The following RPS6KC1 variants were observed in gnomAD, a reference collection of about 807,000 sequenced individuals.
RPS6KC1 encodes ribosomal protein S6 kinase C1, also known as inactive ribosomal protein S6 kinase delta-1.
A neutral mutation model predicts 103.8 loss-of-function variants in RPS6KC1; 54 were observed. The ratio of observed to expected loss-of-function variants is 0.52; its 90% CI spans 0.42 to 0.65. The LOEUF is 0.65. Among genes scored for constraint, RPS6KC1 ranks in the 30% least tolerant of loss-of-function variants. RPS6KC1 has a pLI of 0.00. For synonymous variants in RPS6KC1, 439 were observed against 438.7 expected (o/e 1.00, Z -0.01); for missense variants, 1,151 against 1,253.8 (o/e 0.92, Z 1.24).
chr1:213,581,934 T>C, the RPS6KC1 span, among the ~76,000 whole-genome samples: 468 of 152,076 alleles, frequency 3.1e-3, 3 homozygotes, highest in African/African-American at 0.011. Context: ...GGAGCCTCCC[T>C]CACTTCCTCC....
At chr1:213,855,953 TC>T in the RPS6KC1 span, among the ~76,000 whole-genome samples, 1 of 152,194 alleles carries the variant, frequency 6.6e-6, no homozygotes, top group Non-Finnish European at 1.5e-5. Flanking sequence ...CCCCTTCTTT[TC>T]CATGCCTCCT....
the RPS6KC1 span, among the ~76,000 whole-genome samples, chr1:213,581,736 T>C: frequency 6.6e-6 from 1 of 152,144 alleles, no homozygotes; most frequent in South Asian, 2.1e-4. Context: ...TACACCCTCA[T>C]AAGAGGCCTT....
the RPS6KC1 span, among the ~76,000 whole-genome samples, chr1:213,281,213 C>T: frequency 1.3e-5 from 2 of 152,346 alleles, no homozygotes; most frequent in East Asian, 1.9e-4. Context: ...TGCTTTTCAC[C>T]ACATAGTCTG....
the RPS6KC1 span, among the ~76,000 whole-genome samples, chr1:213,855,639 C>A: frequency 6.6e-6 from 1 of 152,178 alleles, no homozygotes; most frequent in Non-Finnish European, 1.5e-5. Context: ...CTCTTGCAAC[C>A]TTTTTAGATG....
At chr1:213,670,408 CCA>C in the RPS6KC1 span, among the ~76,000 whole-genome samples, 22 of 152,270 alleles carry the variant, frequency 1.4e-4, no homozygotes, top group African/African-American at 5.3e-4. Context: ...AAGAGCAGCT[CCA>C]CAGGTGAGCA....
chr1:213,452,505 G>C, the RPS6KC1 span, among the ~76,000 whole-genome samples: 5 of 151,986 alleles, frequency 3.3e-5, no homozygotes, highest in Admixed American at 1.3e-4. Context: ...GCTTCTTGGT[G>C]TGAGCTTCTA....
the RPS6KC1 span, among the ~76,000 whole-genome samples, chr1:213,435,449 G>A: frequency 2.0e-5 from 3 of 152,152 alleles, no homozygotes; most frequent in East Asian, 5.8e-4. Flanking sequence ...TTGGGTACTA[G>A]ATATTTTTAT....
At chr1:213,336,761 T>C in the RPS6KC1 span, among the ~76,000 whole-genome samples, 1 of 152,220 alleles carries the variant, frequency 6.6e-6, no homozygotes, top group African/African-American at 2.4e-5. Context: ...AGCCCGAAGC[T>C]AAATCTGTGT....
At chr1:213,094,365 T>G (rs893684070) in intron 3 of RPS6KC1, among the ~76,000 whole-genome samples, 2 of 152,120 alleles carry the variant, frequency 1.3e-5, no homozygotes, top group African/African-American at 4.8e-5. Flanking sequence ...TTTCTGTAGT[T>G]GTCCTTGAAA....
chr1:213,125,860 C>T (rs561041492), intron 5 of RPS6KC1: 1 of 152,134 alleles, frequency 6.6e-6, no homozygotes, highest in East Asian at 1.9e-4. Context: ...GGAAATATGA[C>T]TATGGTACCA....
At chr1:213,329,756 G>C in the RPS6KC1 span, among the ~76,000 whole-genome samples, 1 of 152,104 alleles carries the variant, frequency 6.6e-6, no homozygotes, top group Non-Finnish European at 1.5e-5. Flanking sequence ...TTCTCATAAA[G>C]TAAGAAAGAC....
At chr1:213,508,959 G>T in the RPS6KC1 span, among the ~76,000 whole-genome samples, 1 of 152,280 alleles carries the variant, frequency 6.6e-6, no homozygotes, top group South Asian at 2.1e-4. Context: ...GAACCTCCCA[G>T]GTGGGTTGTA....
chr1:213,333,568 G>A, the RPS6KC1 span, among the ~76,000 whole-genome samples: 1 of 152,200 alleles, frequency 6.6e-6, no homozygotes, highest in African/African-American at 2.4e-5. Flanking sequence ...CCAGGGGACT[G>A]TTCCTAAGCT....
At chr1:213,849,326 G>C in the RPS6KC1 span, among the ~76,000 whole-genome samples, 1 of 152,132 alleles carries the variant, frequency 6.6e-6, no homozygotes, top group African/African-American at 2.4e-5. Flanking sequence ...GACGCCCATA[G>C]GGGTGGAGCC....
the RPS6KC1 span, among the ~76,000 whole-genome samples, chr1:213,425,821 T>A: frequency 1.3e-5 from 2 of 152,110 alleles, no homozygotes; most frequent in African/African-American, 2.4e-5. Flanking sequence ...AGGATTGCTG[T>A]CCCTGCTGCT....
the RPS6KC1 span, among the ~76,000 whole-genome samples, chr1:213,773,959 T>C: frequency 2.0e-5 from 3 of 152,236 alleles, no homozygotes; most frequent in African/African-American, 7.2e-5. Context: ...AATGATTCCC[T>C]AAGTCCACCT....
chr1:213,803,196 A>C, the RPS6KC1 span, among the ~76,000 whole-genome samples: 3 of 149,852 alleles, frequency 2.0e-5, no homozygotes, highest in Admixed American at 2.0e-4. Flanking sequence ...CACATGGTCC[A>C]TGGGTAAAAC....
the RPS6KC1 span, among the ~76,000 whole-genome samples, chr1:213,706,824 T>G: frequency 2.0e-5 from 3 of 152,166 alleles, no homozygotes; most frequent in African/African-American, 7.2e-5. Context: ...TTGTGTTAGT[T>G]TGCTGAGAAT....
chr1:213,486,771 G>A, the RPS6KC1 span, among the ~76,000 whole-genome samples: 4 of 152,256 alleles, frequency 2.6e-5, no homozygotes, highest in East Asian at 1.9e-4. Context: ...GCATGGGCCC[G>A]TGGGCTGGGA....
Sources: gnomAD v4.1 joint callset for allele counts (sites outside exome capture counted in the v4.1 genomes callset) on GRCh38, gnomAD v4.1.1 for gene constraint, MANE v1.5 for transcripts, NCBI Gene and HGNC (gene_info 2026-07-23, HGNC 2026-07-21) for gene names.